The following CCNC variants were observed in gnomAD, a reference collection of about 807,000 sequenced individuals.
CCNC encodes cyclin-C.
In CCNC, 19 loss-of-function variants were observed where a neutral mutation model predicts 50.0. That is an observed-to-expected ratio of 0.38 (90% CI 0.27 to 0.56). The LOEUF (loss-of-function observed/expected upper bound fraction) is 0.56, where lower values mean the gene tolerates loss of function less well. Ranked by LOEUF, CCNC falls within the 20% of genes least tolerant of loss-of-function variation. The probability of loss-of-function intolerance (pLI) is 0.72; values close to 1 mark genes in which losing one functional copy is unlikely to be tolerated. For synonymous variants in CCNC, 93 were observed against 103.7 expected (o/e 0.90, Z 0.63); for missense variants, 200 against 327.1 (o/e 0.61, Z 3.00).
At chr6:99,557,788 C>CAAAAAAAAAAAAAAAAA (rs61523844) in intron 5 of CCNC, 2 of 86,668 alleles carry the variant, frequency 2.3e-5, no homozygotes, top group Non-Finnish European at 4.3e-5. Flanking sequence ...GACTCTGTCT[C>CAAAAAAAAAAAAAAAAA]AAAAAAAAAA....
chr6:99,542,499 T>C lies in CCNC; in HGVS notation c.*1056A>G, dbSNP rs1801921232. ...GTTTAATCCTTAAATTGTGCATCAA[T>C]ATCCTATGACTCCAAATTTTATTTA... On this transcript the variant is annotated 3_prime_UTR_variant, in exon 12 of 12. Transcript: ENST00000520429. 1 of 152,620 alleles carries C rather than the reference T, an allele frequency of 6.6e-6. No individual in the cohort carries two copies. Among genetic ancestry groups the C allele is most frequent in the African/African-American group, 2.4e-5 (1 of 41,468 alleles). The allele number at this position is 152,620 out of a possible 1,614,324, so 9.5% of individuals were successfully genotyped here. A position where few individuals can be genotyped will look rare whatever the true frequency, so the allele number is the denominator to read the frequency against.
chr6:99,561,523 G>T, intron 3 of CCNC, 74 bp downstream of exon 3: 1 of 1,342,684 alleles, frequency 7.4e-7, no homozygotes, highest in Non-Finnish European at 1.0e-6. Context: ...GTAGACACAT[G>T]ATTCATTTAC....
At chr6:99,548,635 C>T (rs566154603) in intron 9 of CCNC, among the ~76,000 whole-genome samples, 3 of 151,872 alleles carry the variant, frequency 2.0e-5, no homozygotes, top group South Asian at 4.2e-4. Context: ...GCCAACATGG[C>T]GAAACCCTGT....
At chr6:99,565,916 T>C (rs1430539284) in intron 1 of CCNC, among the ~76,000 whole-genome samples, 1 of 151,930 alleles carries the variant, frequency 6.6e-6, no homozygotes, top group African/African-American at 2.4e-5. Context: ...TAGATTTTTC[T>C]GTGTTATCAT....
In CCNC at chr6:99,568,293, T is replaced by G. The variant is rs1399593430; in HGVS notation, c.32+203A>C. 1.5e-5 allele frequency: 9 copies of G among 594,390 alleles called. No individual in the cohort carries two copies. In the East Asian group the frequency reaches 2.6e-4, roughly 17 times the overall value. 36.8% of individuals were successfully genotyped at this position (594,390 alleles called of 1,614,324 possible). On this transcript the variant is annotated intron_variant, in intron 1 of 11. Transcript: ENST00000520429. ...CTCTCCCACCCCTCCCCCTCACAGATCCTTCCCTCCCCGAAACTGGGGCTG... is the reference window on the plus strand; with the variant it reads ...CTCTCCCACCCCTCCCCCTCACAGAGCCTTCCCTCCCCGAAACTGGGGCTG...
chr6:99,568,008 A>G (rs955322403), intron 1 of CCNC: 4 of 156,090 alleles, frequency 2.6e-5, no homozygotes, highest in African/African-American at 9.6e-5. Flanking sequence ...TAGTAGGCAG[A>G]AACAAGCCAG....
At chr6:99,566,356 T>C (rs1368043581) in intron 1 of CCNC, among the ~76,000 whole-genome samples, 1 of 152,058 alleles carries the variant, frequency 6.6e-6, no homozygotes, top group Non-Finnish European at 1.5e-5. Flanking sequence ...ATTCAGGATA[T>C]TGATTTTCTA....
intron 9 of CCNC, 87 bp from the exon 10 acceptor site, chr6:99,546,561 G>T (rs373726776): frequency 2.3e-6 from 2 of 855,896 alleles, no homozygotes; most frequent in Non-Finnish European, 3.9e-6. Context: ...TATTTCCTGT[G>T]TATTTTCCAA....
chr6:99,560,362 C>T (rs1244168407), intron 4 of CCNC, among the ~76,000 whole-genome samples: 3 of 152,120 alleles, frequency 2.0e-5, no homozygotes, highest in Non-Finnish European at 4.4e-5. Context: ...TTCTAGAAAG[C>T]TTGTCTTAAT....
chr6:99,557,816 A>AG (rs1802602089), intron 5 of CCNC: 2 of 151,464 alleles, frequency 1.3e-5, no homozygotes, highest in African/African-American at 2.4e-5. Flanking sequence ...AAAGAAAGAA[A>AG]AAAAAAAGAT....
intron 4 of CCNC, among the ~76,000 whole-genome samples, chr6:99,560,053 A>C (rs951335408): frequency 6.6e-6 from 1 of 152,158 alleles, no homozygotes; most frequent in African/African-American, 2.4e-5. Context: ...CTCAAAGGGA[A>C]AACTTTCATT....
intron 9 of CCNC, among the ~76,000 whole-genome samples, chr6:99,548,224 C>T (rs939612227): frequency 2.0e-5 from 3 of 151,960 alleles, no homozygotes; most frequent in African/African-American, 7.2e-5. Context: ...AGTTAAAGTA[C>T]CCAAGAAGAA....
chr6:99,551,960 T>A, intron 5 of CCNC, 65 bp from the exon 6 acceptor site: 1 of 1,167,638 alleles, frequency 8.6e-7, no homozygotes, highest in Non-Finnish European at 1.2e-6. Flanking sequence ...AAAATTCCTT[T>A]AACAGAGCAG....
chr6:99,555,616 AT>A (rs1008680661), intron 5 of CCNC, among the ~76,000 whole-genome samples: 2 of 151,640 alleles, frequency 1.3e-5, no homozygotes, highest in African/African-American at 4.8e-5. Context: ...TTTTTCTTTA[AT>A]TTTTTGCAGA....
intron 1 of CCNC, among the ~76,000 whole-genome samples, chr6:99,566,488 T>C (rs1356198799): frequency 2.0e-5 from 3 of 152,112 alleles, no homozygotes; most frequent in African/African-American, 7.2e-5. Context: ...GTTAGTTTTG[T>C]AGTTTTTATT....
chr6:99,566,801 A>G, intron 1 of CCNC: 1 of 277,972 alleles, frequency 3.6e-6, no homozygotes. Context: ...AGCAACTGCC[A>G]TGCTGATTTC....
intron 1 of CCNC, among the ~76,000 whole-genome samples, chr6:99,566,701 T>C (rs902775996): frequency 6.6e-6 from 1 of 152,164 alleles, no homozygotes; most frequent in African/African-American, 2.4e-5. Context: ...GAACTCTGTA[T>C]GGAGAATAAA....
In CCNC at chr6:99,565,170, C is replaced by T. The variant is rs554035619; in HGVS notation, c.33-2222G>A. On this transcript the variant is annotated intron_variant, in intron 1 of 11. Coordinates refer to ENST00000520429, the MANE Select transcript of CCNC (RefSeq NM_005190.4). Reference sequence around the variant, plus strand: ...CTATTCTATCACAATTATTCTAAGACCTAAACTTTAGAAGCATTATGTCGA... The same window carrying T: ...CTATTCTATCACAATTATTCTAAGATCTAAACTTTAGAAGCATTATGTCGA... Among the ~76,000 whole-genome samples the T allele has an allele frequency of 2.0e-5, 3 of 152,098 alleles. No individual in the cohort carries two copies. The South Asian group carries it at 6.2e-4, about 32-fold the overall frequency.
chr6:99,568,152 C>A, intron 1 of CCNC: 1 of 366,898 alleles, frequency 2.7e-6, no homozygotes, highest in Non-Finnish European at 5.2e-6. Context: ...GCCTCACAGT[C>A]TTGAGCTGAG....
Sources: gnomAD v4.1 joint callset for allele counts (sites outside exome capture counted in the v4.1 genomes callset) on GRCh38, gnomAD v4.1.1 for gene constraint, MANE v1.5 for transcripts, NCBI Gene and HGNC (gene_info 2026-07-23, HGNC 2026-07-21) for gene names.